The following ZNF385D variants were observed in gnomAD, a reference collection of about 807,000 sequenced individuals.
ZNF385D encodes zinc finger protein 659.
A neutral mutation model predicts 35.8 loss-of-function variants in ZNF385D; 15 were observed. That is an observed-to-expected ratio of 0.42 (90% confidence interval 0.28 to 0.64). The LOEUF (loss-of-function observed/expected upper bound fraction) is 0.64, where lower values mean the gene tolerates loss of function less well. Among genes scored for constraint, ZNF385D ranks in the 30% least tolerant of loss-of-function variants. The pLI is 0.23. For synonymous variants in ZNF385D, 212 were observed against 186.8 expected (o/e 1.13, Z -1.10); for missense variants, 474 against 494.6 (o/e 0.96, Z 0.39).
At chr3:21,525,742 T>G (rs1708186889) in intron 3 of ZNF385D, among the ~76,000 whole-genome samples, 1 of 151,936 alleles carries the variant, frequency 6.6e-6, no homozygotes, top group Non-Finnish European at 1.5e-5. Context: ...ATTAAAAAAT[T>G]TTTTAGACCA....
chr3:22,276,480 T>C (rs369299707), intron 2 of ZNF385D, among the ~76,000 whole-genome samples: 67 of 152,164 alleles, frequency 4.4e-4, no homozygotes, highest in African/African-American at 1.5e-3. Context: ...ATCTATCAAC[T>C]CTTTAGCCAT....
intron 3 of ZNF385D, among the ~76,000 whole-genome samples, chr3:21,781,118 C>A (rs971305236): frequency 6.6e-6 from 1 of 151,744 alleles, no homozygotes; most frequent in Non-Finnish European, 1.5e-5. Flanking sequence ...AGAGGTAACC[C>A]GGAAGAGATA....
chr3:21,844,628 C>A (rs2670271), intron 3 of ZNF385D, among the ~76,000 whole-genome samples: 5 of 151,782 alleles, frequency 3.3e-5, no homozygotes, highest in Non-Finnish European at 7.4e-5. Context: ...ACATTCAATC[C>A]AAATTCAGTG....
At chr3:22,113,644 C>T (rs1702653829) in intron 3 of ZNF385D, among the ~76,000 whole-genome samples, 1 of 152,202 alleles carries the variant, frequency 6.6e-6, no homozygotes, top group Non-Finnish European at 1.5e-5. Context: ...CAGGACTGGT[C>T]TTGTTGCCAA....
chr3:21,767,607 T>A lies in ZNF385D; in HGVS notation c.326-102579A>T, dbSNP rs560488327. ...TGATTCACAGTAGGTGCCCAATATA[T>A]ACCTGGTATATAGATGAGTGGGTGG... is the stretch of plus-strand genomic sequence containing the variant. On this transcript the variant is annotated intron_variant, in intron 3 of 5. Transcript: ENST00000494108. Among the ~76,000 whole-genome samples the A allele has an allele frequency of 5.3e-5, 8 of 151,960 alleles. No individual in the cohort carries two copies. The South Asian group carries it at 1.5e-3, about 28-fold the overall frequency.
chr3:21,784,121 G>A (rs994240292), intron 3 of ZNF385D, among the ~76,000 whole-genome samples: 3 of 152,036 alleles, frequency 2.0e-5, no homozygotes, highest in South Asian at 2.1e-4. Context: ...GTGAACTATG[G>A]GTATTAGGAA....
intron 2 of ZNF385D, among the ~76,000 whole-genome samples, chr3:22,291,220 G>T (rs1033452975): frequency 1.3e-5 from 2 of 151,970 alleles, no homozygotes; most frequent in Non-Finnish European, 2.9e-5. Flanking sequence ...CTTTAAATTA[G>T]CTTTGCAGAA....
intron 1 of ZNF385D, among the ~76,000 whole-genome samples, chr3:21,715,732 ATC>A (rs2068293131): frequency 6.6e-6 from 1 of 152,104 alleles, no homozygotes; most frequent in African/African-American, 2.4e-5. Flanking sequence ...TCTATATGTT[ATC>A]TGTACTAATT....
intron 3 of ZNF385D, among the ~76,000 whole-genome samples, chr3:21,902,436 C>T (rs1699457874): frequency 6.6e-6 from 1 of 152,088 alleles, no homozygotes; most frequent in Admixed American, 6.6e-5. Flanking sequence ...CCAAGGTGAT[C>T]ACCGGTATCT....
intron 2 of ZNF385D, among the ~76,000 whole-genome samples, chr3:22,298,848 C>T (rs1702748757): frequency 6.6e-6 from 1 of 151,760 alleles, no homozygotes; most frequent in Non-Finnish European, 1.5e-5. Flanking sequence ...ATATACTTAG[C>T]CATGGACTTG....
chr3:22,259,674 C>T (rs1700518328), intron 2 of ZNF385D, among the ~76,000 whole-genome samples: 1 of 151,702 alleles, frequency 6.6e-6, no homozygotes, highest in African/African-American at 2.4e-5. Flanking sequence ...GGAAACATCC[C>T]AAGTAAAGTC....
At chr3:21,828,780 G>A (rs1013791776) in intron 3 of ZNF385D, among the ~76,000 whole-genome samples, 1 of 150,286 alleles carries the variant, frequency 6.7e-6, no homozygotes, top group African/African-American at 2.4e-5. Context: ...TGAATTCAAC[G>A]TACTGGCAAG....
chr3:21,917,309 G>A (rs1014013011), intron 3 of ZNF385D, among the ~76,000 whole-genome samples: 1 of 152,100 alleles, frequency 6.6e-6, no homozygotes, highest in Non-Finnish European at 1.5e-5. Context: ...CGGCACTCCT[G>A]TAATCCCAGC....
intron 1 of ZNF385D, among the ~76,000 whole-genome samples, chr3:21,713,236 G>A (rs9875169): frequency 2.0e-5 from 3 of 151,960 alleles, no homozygotes; most frequent in Admixed American, 2.0e-4. Flanking sequence ...AGTGTACAAG[G>A]GAAGTTCCAA....
chr3:21,504,835 A>G (rs1481765991), intron 4 of ZNF385D, among the ~76,000 whole-genome samples: 1 of 152,194 alleles, frequency 6.6e-6, no homozygotes, highest in African/African-American at 2.4e-5. Flanking sequence ...ACAGAGGTAC[A>G]TTAAAGATTT....
intron 1 of ZNF385D, among the ~76,000 whole-genome samples, chr3:21,687,348 G>T (rs913391957): frequency 6.6e-6 from 1 of 152,140 alleles, no homozygotes; most frequent in Non-Finnish European, 1.5e-5. Flanking sequence ...TTTGGAGTTC[G>T]TTTGTTAAGT....
intron 3 of ZNF385D, among the ~76,000 whole-genome samples, chr3:21,971,866 A>G (rs979912822): frequency 2.0e-5 from 3 of 152,008 alleles, no homozygotes; most frequent in Non-Finnish European, 4.4e-5. Flanking sequence ...GAGACAAAGA[A>G]GGTCACTATA....
intron 3 of ZNF385D, among the ~76,000 whole-genome samples, chr3:21,862,732 G>T (rs925688547): frequency 2.0e-5 from 3 of 152,116 alleles, no homozygotes; most frequent in East Asian, 3.9e-4. Flanking sequence ...CCTCCCCAAG[G>T]GCTCCTTATA....
At chr3:21,425,824 T>C (rs1228173197) in intron 5 of ZNF385D, among the ~76,000 whole-genome samples, 154 bp from the exon 6 acceptor site, 1 of 152,216 alleles carries the variant, frequency 6.6e-6, no homozygotes, top group Non-Finnish European at 1.5e-5. Flanking sequence ...GTGCAGTTTT[T>C]CCTGGCATTA....
Sources: gnomAD v4.1 joint callset for allele counts (sites outside exome capture counted in the v4.1 genomes callset) on GRCh38, gnomAD v4.1.1 for gene constraint, MANE v1.5 for transcripts, NCBI Gene and HGNC (gene_info 2026-07-23, HGNC 2026-07-21) for gene names.